ARAP2: variants seen among roughly 807,000 people sequenced by gnomAD.
ARAP2 encodes ArfGAP with RhoGAP domain, ankyrin repeat and PH domain 2.
Under a neutral mutation model 194.5 loss-of-function variants are expected in ARAP2, and 148 were observed. The observed-to-expected ratio is 0.76, with a 90% confidence interval of 0.67 to 0.87. The LOEUF is 0.87. Ranked by LOEUF, ARAP2 falls within the 40% of genes least tolerant of loss-of-function variation. ARAP2 has a pLI of 0.00. For synonymous variants in ARAP2, 695 were observed against 683.5 expected (o/e 1.02, Z -0.26); for missense variants, 2,128 against 1,989.7 (o/e 1.07, Z -1.32).
At chr4:36,202,390 A>C (rs976459416) in intron 6 of ARAP2, among the ~76,000 whole-genome samples, 1 of 152,164 alleles carries the variant, frequency 6.6e-6, no homozygotes, top group Non-Finnish European at 1.5e-5. Context: ...AATTTCCAAG[A>C]TTATATGAAC....
rs1384155506 is a variant in ARAP2 at position 36,128,475 on chromosome 4, T to TACACACACACACACAC, written c.3640+57_3640+58insGTGTGTGTGTGTGTGT. 5 of 256,392 alleles carry TACACACACACACACAC rather than the reference T, an allele frequency of 2.0e-5. No individual in the cohort carries two copies. The South Asian group carries it at 5.8e-4, about 30-fold the overall frequency. The allele number at this position is 256,392 out of a possible 1,614,324, so 15.9% of individuals were successfully genotyped here. ...GGCAAGCATGTATTATGGTCTATAT[T>TACACACACACACACAC]ATACACACACACACACACACACACA... On this transcript the variant is annotated intron_variant, in intron 21 of 32. Transcript: ENST00000303965.
intron 19 of ARAP2, among the ~76,000 whole-genome samples, chr4:36,140,240 A>G (rs1727977566): frequency 6.6e-6 from 1 of 151,242 alleles, no homozygotes; most frequent in African/African-American, 2.4e-5. Flanking sequence ...TTATTTCTTC[A>G]TAAGCTTATC....
chr4:36,196,259 G>A (rs1743091443), intron 6 of ARAP2, among the ~76,000 whole-genome samples: 1 of 152,196 alleles, frequency 6.6e-6, no homozygotes, highest in Non-Finnish European at 1.5e-5. Flanking sequence ...GTTTGTGTCT[G>A]AGGCATCATC....
intron 27 of ARAP2, among the ~76,000 whole-genome samples, chr4:36,096,374 A>AAAAAAAAG (rs796310005): frequency 1.4e-3 from 199 of 141,992 alleles, no homozygotes; most frequent in African/African-American, 3.5e-3. Context: ...AAAAAAAAAA[A>AAAAAAAAG]AAAAAAGAAA....
chr4:36,242,176 T>C (rs1753645264), intron 1 of ARAP2, among the ~76,000 whole-genome samples: 1 of 152,204 alleles, frequency 6.6e-6, no homozygotes, highest in Non-Finnish European at 1.5e-5. Flanking sequence ...TAGCCTCTAA[T>C]CTCACATCCA....
chr4:36,229,172 T>G lies in ARAP2; in HGVS notation c.315A>C (p.Glu105Asp), dbSNP rs777783596. Residue 105 changes from glutamate (E) to aspartate (D), a missense_variant, in exon 2 of 33, where the codon GAA becomes GAC. Coordinates refer to ENST00000303965, the MANE Select transcript of ARAP2 (RefSeq NM_015230.4). ...TCTGAACACTACCAGAATTGGAAAG[T>G]TCTATGCAGATATTCTGATCAGAAG... Reference protein sequence around the residue: ...VPSSDQNICIELSNSGSVQTS... With the variant: ...VPSSDQNICIDLSNSGSVQTS... 1 of 1,614,166 alleles carries G rather than the reference T, an allele frequency of 6.2e-7. No homozygotes were observed. Among genetic ancestry groups the G allele is most frequent in the Admixed American group, 1.7e-5 (1 of 60,008 alleles).
chr4:36,159,088 G>T (rs1365844836), intron 14 of ARAP2, among the ~76,000 whole-genome samples: 1 of 152,160 alleles, frequency 6.6e-6, no homozygotes, highest in Non-Finnish European at 1.5e-5. Context: ...TGGTGGAAAT[G>T]ATTATGTGGG....
intron 1 of ARAP2, among the ~76,000 whole-genome samples, chr4:36,235,608 G>A (rs1752292053): frequency 6.6e-6 from 1 of 152,218 alleles, no homozygotes; most frequent in Non-Finnish European, 1.5e-5. Context: ...GCTCTGAGAG[G>A]TCAGGGATCT....
At position 36,014,224 on chromosome 4, in the gene ARAP2, C is replaced by CG. The variant is rs1392259044; in HGVS notation, n.1056+1161dup. On this transcript the variant is annotated intron_variant and non_coding_transcript_variant, in intron 8 of 12. Transcript: ENST00000503225. Reference sequence around the variant, plus strand: ...CCTAGGTGACAAAGTGAGACCCTATCGAAAGAAAGAAAGAAAGAAAGAAAG... The same window carrying CG: ...CCTAGGTGACAAAGTGAGACCCTATCGGAAAGAAAGAAAGAAAGAAAGAAAG... 2.4e-3 allele frequency among the ~76,000 whole-genome samples: 149 copies of CG among 61,702 alleles called. 7 individuals are homozygous for CG. The highest frequency in any genetic ancestry group is 8.7e-3 in the African/African-American group (143 of 16,428). The allele number at this position is 61,702 out of a possible 152,430, so 40.5% of individuals were successfully genotyped here.
chr4:36,231,054 C>T lies in ARAP2; in HGVS notation c.-159-1409G>A, dbSNP rs531477300. On this transcript the variant is annotated intron_variant, in intron 1 of 32. Coordinates refer to ENST00000303965, the MANE Select transcript of ARAP2 (RefSeq NM_015230.4). ...TGTCACACACAAAGAAGTTACACCT[C>T]GGCCAGGCAAAGTGGCTCACGCCTG... Among the ~76,000 whole-genome samples the T allele has an allele frequency of 1.4e-4, 22 of 152,236 alleles. No individual in the cohort carries two copies. In the East Asian group the frequency reaches 3.1e-3, roughly 21 times the overall value.
chr4:36,050,005 A>C (rs1722407625), intron 3 of ARAP2, among the ~76,000 whole-genome samples: 2 of 152,282 alleles, frequency 1.3e-5, no homozygotes, highest in South Asian at 4.1e-4. Flanking sequence ...TGTATTTGTT[A>C]ACCCAGATTT....
intron 32 of ARAP2, among the ~76,000 whole-genome samples, chr4:36,073,383 T>C (rs552179156): frequency 5.9e-5 from 9 of 152,164 alleles, no homozygotes; most frequent in Non-Finnish European, 1.0e-4. Context: ...TAAGTAAGCT[T>C]GTAAAACGAA....
intron 27 of ARAP2, among the ~76,000 whole-genome samples, chr4:36,099,841 T>C (rs182105283): frequency 1.3e-5 from 2 of 152,196 alleles, no homozygotes; most frequent in Admixed American, 1.3e-4. Context: ...TTGCTCAGAA[T>C]AGAGCTTGGC....
intron 25 of ARAP2, among the ~76,000 whole-genome samples, chr4:36,114,558 T>C (rs777847332): frequency 1.9e-4 from 29 of 152,054 alleles, no homozygotes; most frequent in Non-Finnish European, 2.4e-4. Flanking sequence ...GGAAAGAATG[T>C]ACCTAATTAC....
chr4:36,121,225 A>G lies in ARAP2; in HGVS notation c.3848T>C (p.Val1283Ala). 6.2e-7 allele frequency: 1 copy of G among 1,606,418 alleles called. No homozygotes were observed. The highest frequency in any genetic ancestry group is 8.5e-7 in the Non-Finnish European group (1 of 1,175,636). The change falls in exon 23 of 33, where the codon GTG (valine) becomes GCG (alanine). Residue 1283 changes from valine (V) to alanine (A), a missense_variant. By Grantham distance (64) the Val-to-Ala change is moderately conservative. Coordinates refer to ENST00000303965, the MANE Select transcript of ARAP2 (RefSeq NM_015230.4). ...FQTKGQTSEEVNVIEDLINNY... is the reference protein window; with the variant it reads ...FQTKGQTSEEANVIEDLINNY... ...ATTAATTAGGTCCTCAATTACATTC[A>G]CTTCTTCACTAGTTTGTCCCTTCGT...
intron 2 of ARAP2, among the ~76,000 whole-genome samples, chr4:36,055,573 T>C (rs1016895846): frequency 2.0e-5 from 3 of 152,176 alleles, no homozygotes; most frequent in Non-Finnish European, 4.4e-5. Context: ...TTTATTTATT[T>C]ATTTTTTTGA....
In ARAP2 at chr4:36,066,720, T is replaced by C. The variant is rs1161520296; in HGVS notation, c.*1187A>G. 6.6e-6 allele frequency: 1 copy of C among 152,138 alleles called. No homozygotes were observed. The highest frequency in any genetic ancestry group is 2.4e-5 in the African/African-American group (1 of 41,434). 9.4% of individuals were successfully genotyped at this position (152,138 alleles called of 1,614,324 possible). A position where few individuals can be genotyped will look rare whatever the true frequency, so the allele number is the denominator to read the frequency against. On this transcript the variant is annotated 3_prime_UTR_variant, in exon 33 of 33. Transcript: ENST00000303965. ...GGAAATTCACCAATTCAGTAGCTGA[T>C]CTTTATGTGGAAACAAAAATAGGGC...
At chr4:36,189,457 A>G (rs938475762) in intron 7 of ARAP2, among the ~76,000 whole-genome samples, 1 of 152,172 alleles carries the variant, frequency 6.6e-6, no homozygotes, top group Admixed American at 6.5e-5. Flanking sequence ...ATATTAAATT[A>G]GTGTTAACTA....
chr4:36,160,778 TC>T, intron 12 of ARAP2, 137 bp from the exon 13 acceptor site: 1 of 724,616 alleles, frequency 1.4e-6, no homozygotes, highest in Non-Finnish European at 1.9e-6. Context: ...ACTCAACTAT[TC>T]CAGAAAAAGG....
Sources: gnomAD v4.1 joint callset for allele counts (sites outside exome capture counted in the v4.1 genomes callset) on GRCh38, gnomAD v4.1.1 for gene constraint, MANE v1.5 for transcripts, NCBI Gene and HGNC (gene_info 2026-07-23, HGNC 2026-07-21) for gene names.